LHB: variants seen among roughly 807,000 people sequenced by gnomAD.
The protein encoded by LHB is luteinizing hormone subunit beta, also known as lutropin subunit beta.
LHB carries 11 observed loss-of-function variants against 10.6 expected under a neutral mutation model. The ratio of observed to expected loss-of-function variants is 1.04; its 90% confidence interval spans 0.66 to 1.72. The LOEUF is 1.72. LHB is among the 40% of genes most tolerant of loss of function. The pLI is 0.00. For synonymous variants in LHB, 86 were observed against 83.1 expected (o/e 1.03, Z -0.19); for missense variants, 184 against 197.3 (o/e 0.93, Z 0.41).
Position 49,016,329 on chromosome 19 carries a change from G to A in LHB, c.184-19C>T, listed in dbSNP as rs1223843013. ...CGCGCATCTGGAGGCCGTGTGAGTG[G>A]GGGAATGAGCATGTGCCTGAGGCCA... On this transcript the variant is annotated intron_variant, in intron 2 of 2. Coordinates refer to ENST00000649238, the MANE Select transcript of LHB (RefSeq NM_000894.3). The A allele has an allele frequency of 2.5e-6, 4 of 1,609,092 alleles. No homozygotes were observed. Among genetic ancestry groups the A allele is most frequent in the Non-Finnish European group, 3.4e-6 (4 of 1,179,730 alleles).
At chr19:49,018,482 G>A (rs1422233657), upstream of LHB, 3 of 469,048 alleles carry the variant, frequency 6.4e-6, no homozygotes, top group African/African-American at 4.0e-5. Context: ...CCCGGCACGC[G>A]TTGCCTGCGT....
upstream of LHB, chr19:49,018,447 C>T: frequency 1.5e-6 from 1 of 673,108 alleles, no homozygotes; most frequent in Non-Finnish European, 2.1e-6. Flanking sequence ...CATTTCCAGG[C>T]GAGCACCCCT....
At chr19:49,016,901 A>T in intron 1 of LHB, 166 bp downstream of exon 1, 3 of 1,593,288 alleles carry the variant, frequency 1.9e-6, no homozygotes, top group Admixed American at 3.5e-5. Context: ...GAGATGCCCC[A>T]ACATTTCAGA....
At chr19:49,018,009 C>A, upstream of LHB, 1 of 398,672 alleles carries the variant, frequency 2.5e-6, no homozygotes, top group Non-Finnish European at 4.4e-6. Context: ...CTGGAGTTCT[C>A]GGTACTGTAG....
chr19:49,016,305 G>A lies in LHB; in HGVS notation c.189C>T (p.Arg63=), dbSNP rs149516688. The change falls in exon 3 of 3, where the codon CGC becomes CGT. Residue 63 remains arginine, a synonymous_variant. Transcript: ENST00000649238. ...ICAGYCPTMM[R]VLQAVLPPLP... Reference sequence around the variant, plus strand: ...GGGGCGGCAGGACCGCCTGCAGCACGCGCATCTGGAGGCCGTGTGAGTGGG... The same window carrying A: ...GGGGCGGCAGGACCGCCTGCAGCACACGCATCTGGAGGCCGTGTGAGTGGG... The A allele has an allele frequency of 1.4e-4, 231 of 1,610,728 alleles. 1 individual carries two copies. The highest frequency in any genetic ancestry group is 1.8e-4 in the Non-Finnish European group (218 of 1,179,768).
chr19:49,016,285 G>C lies in LHB; in HGVS notation c.209C>G (p.Pro70Arg), dbSNP rs769540665. 2.5e-6 allele frequency: 4 copies of C among 1,611,702 alleles called. No individual in the cohort carries two copies. Among genetic ancestry groups the C allele is most frequent in the Non-Finnish European group, 3.4e-6 (4 of 1,179,804 alleles). Reference sequence around the variant, plus strand: ...GGTGCACACCACCTGAGGCAGGGGCGGCAGGACCGCCTGCAGCACGCGCAT... The same window carrying C: ...GGTGCACACCACCTGAGGCAGGGGCCGCAGGACCGCCTGCAGCACGCGCAT... ...TMMRVLQAVL[P>R]PLPQVVCTYR... Residue 70 changes from proline (P) to arginine (R), a missense_variant, in exon 3 of 3, where the codon CCG (proline) becomes CGG (arginine). Coordinates refer to ENST00000649238, the MANE Select transcript of LHB (RefSeq NM_000894.3).
chr19:49,016,739 C>T (rs780509047), intron 1 of LHB, 25 bp from the exon 2 acceptor site: 22 of 1,609,180 alleles, frequency 1.4e-5, no homozygotes, highest in African/African-American at 6.7e-5. Context: ...CTGCTTCACC[C>T]AGGTCTGAGA....
intron 2 of LHB, 25 bp from the exon 3 acceptor site, chr19:49,016,335 T>C: frequency 6.2e-7 from 1 of 1,608,620 alleles, no homozygotes; most frequent in Non-Finnish European, 8.5e-7. Context: ...AGTGGGGGAA[T>C]GAGCATGTGC....
chr19:49,017,802 C>T (rs576520702), upstream of LHB: 109 of 400,680 alleles, frequency 2.7e-4, 1 homozygote, highest in African/African-American at 1.9e-3. Flanking sequence ...TCCGTGATGC[C>T]GCAGCTGAGT....
At chr19:49,017,770 A>T, upstream of LHB, 1 of 408,140 alleles carries the variant, frequency 2.5e-6, no homozygotes. Context: ...CTGCAAGGAC[A>T]TTATCTGGAC....
At chr19:49,017,040 A>C in intron 1 of LHB, 27 bp downstream of exon 1, 1 of 1,613,592 alleles carries the variant, frequency 6.2e-7, no homozygotes, top group Non-Finnish European at 8.5e-7. Flanking sequence ...AGGAGGTGGA[A>C]GGTGCCCAGG....
chr19:49,017,948 G>A (rs2122681310), upstream of LHB: 1 of 398,708 alleles, frequency 2.5e-6, no homozygotes, highest in African/African-American at 2.1e-5. Context: ...CGGGTCTGGG[G>A]TGGGGCTGGC....
Position 49,016,215 on chromosome 19 carries a change from C to T in LHB, c.279G>A (p.Pro93=), listed in dbSNP as rs377599735. Residue 93 remains proline, a synonymous_variant, in exon 3 of 3, where the codon CCG becomes CCA. Transcript: ENST00000649238. ...RFESIRLPGC[P]RGVDPVVSFP... ...AGGAGACCACGGGGTCCACACCACGCGGGCAGCCAGGGAGCCGGATGGACT... is the reference window on the plus strand; with the variant it reads ...AGGAGACCACGGGGTCCACACCACGTGGGCAGCCAGGGAGCCGGATGGACT... 49 of 1,612,368 alleles carry T rather than the reference C, an allele frequency of 3.0e-5. No individual in the cohort carries two copies. The highest frequency in any genetic ancestry group is 2.2e-4 in the East Asian group (10 of 44,888).
upstream of LHB, among the ~76,000 whole-genome samples, chr19:49,017,318 C>G (rs1167470527): frequency 1.3e-5 from 2 of 152,116 alleles, no homozygotes; most frequent in Non-Finnish European, 2.9e-5. Flanking sequence ...ACCTCAGAGA[C>G]CCAGTTGTCG....
chr19:49,018,960 C>G (rs886719399), upstream of LHB: 6 of 1,533,952 alleles, frequency 3.9e-6, no homozygotes, highest in Middle Eastern at 2.1e-4. Flanking sequence ...TGTGAAAGGC[C>G]GGCCAGACAG....
Position 49,016,077 on chromosome 19 carries a change from G to A in LHB, c.417C>T (p.Leu139=). The A allele has an allele frequency of 1.2e-6, 2 of 1,613,108 alleles. No homozygotes were observed. The highest frequency in any genetic ancestry group is 1.7e-6 in the Non-Finnish European group (2 of 1,180,014). The change falls in exon 3 of 3, where the codon CTC becomes CTT. Residue 139 remains leucine, a synonymous_variant. Transcript: ENST00000649238. ...TCDHPQLSGL[L]FL The stretch of plus-strand genomic sequence containing the variant: ...GCTGCGGGGAGGGTCTTTAGAGGAA[G>A]AGGAGGCCTGAGAGTTGGGGGTGGT...
At chr19:49,018,818 A>T (rs72483930), upstream of LHB, 104,056 of 1,439,426 alleles carry the variant, frequency 0.072, 4,274 homozygotes, top group Non-Finnish European at 0.079. Flanking sequence ...CTCGGCGTGC[A>T]CCGGCCACGG....
upstream of LHB, chr19:49,017,192 C>G (rs564719403): frequency 1.7e-5 from 27 of 1,559,322 alleles, no homozygotes; most frequent in Admixed American, 3.0e-4. Flanking sequence ...ACTAATCCCC[C>G]CGGGGGCGAG....
rs370785744 is a variant in LHB at position 49,016,320 on chromosome 19, G to A, written c.184-10C>T. ...CCTGCAGCACGCGCATCTGGAGGCC[G>A]TGTGAGTGGGGGAATGAGCATGTGC... On this transcript the variant is annotated splice_polypyrimidine_tract_variant and intron_variant, in intron 2 of 2. Coordinates refer to ENST00000649238, the MANE Select transcript of LHB (RefSeq NM_000894.3). 88 of 1,609,670 alleles carry A rather than the reference G, an allele frequency of 5.5e-5. 1 individual carries two copies. Among genetic ancestry groups the A allele is most frequent in the South Asian group, 3.5e-4 (32 of 90,988 alleles).
Sources: allele counts gnomAD v4.1 joint callset (sites outside exome capture counted in the v4.1 genomes callset), GRCh38; gene constraint gnomAD v4.1.1; transcripts MANE v1.5; gene names NCBI Gene and HGNC (gene_info 2026-07-23, HGNC 2026-07-21).